SLC5A8: variants seen among roughly 807,000 people sequenced by gnomAD.
SLC5A8 encodes the protein solute carrier family 5 member 8.
Under a neutral mutation model 71.9 loss-of-function variants are expected in SLC5A8, and 55 were observed. The observed-to-expected ratio is 0.77, with a 90% CI of 0.62 to 0.96. SLC5A8 has a LOEUF of 0.96. SLC5A8 is among the 40% of genes least tolerant of loss of function. SLC5A8 has a pLI of 0.00. For synonymous variants in SLC5A8, 307 were observed against 276.1 expected, an observed-to-expected ratio of 1.11 and a Z score of -1.11; for missense variants, 701 against 745.3, an observed-to-expected ratio of 0.94 and a Z score of 0.69.
At chr12:101,191,468 A>G (rs1094743) in intron 5 of SLC5A8, among the ~76,000 whole-genome samples, 40,007 of 152,070 alleles carry the variant, frequency 0.26, 5,747 homozygotes, top group East Asian at 0.53. Context: ...TGGCATTCTT[A>G]TGGAAATGTG....
chr12:101,204,211 G>T (rs1221832000), intron 2 of SLC5A8, among the ~76,000 whole-genome samples: 1 of 152,200 alleles, frequency 6.6e-6, no homozygotes, highest in Non-Finnish European at 1.5e-5. Context: ...CACCTTGGTG[G>T]AGGTGAAGGG....
intron 2 of SLC5A8, 95 bp from the exon 3 acceptor site, chr12:101,202,310 T>A: frequency 8.7e-7 from 1 of 1,145,248 alleles, no homozygotes; most frequent in South Asian, 1.9e-5. Context: ...TCCTATAACT[T>A]CAATTATGAC....
At chr12:101,197,866 C>G (rs1157167507) in intron 3 of SLC5A8, among the ~76,000 whole-genome samples, 1 of 151,916 alleles carries the variant, frequency 6.6e-6, no homozygotes, top group Non-Finnish European at 1.5e-5. Flanking sequence ...ACATTACATC[C>G]AAAAAGCACA....
At chr12:101,203,954 G>T (rs1259331366) in intron 2 of SLC5A8, among the ~76,000 whole-genome samples, 11 of 149,666 alleles carry the variant, frequency 7.3e-5, no homozygotes, top group African/African-American at 2.7e-4. Context: ...CCAGAGTTTT[G>T]ATTCTGTTGT....
intron 1 of SLC5A8, 58 bp downstream of exon 1, chr12:101,209,440 G>A (rs1869819911): frequency 7.3e-7 from 1 of 1,374,388 alleles, no homozygotes; most frequent in East Asian, 2.5e-5. Flanking sequence ...GCCTCCAGAG[G>A]TCTGCAGAGT....
chr12:101,174,226 C>T (rs1465949448), intron 10 of SLC5A8, among the ~76,000 whole-genome samples: 2 of 152,180 alleles, frequency 1.3e-5, no homozygotes, highest in African/African-American at 4.8e-5. Context: ...CAGTTGTGTT[C>T]AGAGGTTGTA....
rs547589726 is a variant in SLC5A8, at chr12:101,202,849, A to G, written c.418-634T>C. Among the ~76,000 whole-genome samples the G allele has an allele frequency of 2.6e-5, 4 of 152,296 alleles. No homozygotes were observed. The South Asian group carries it at 8.3e-4, about 32-fold the overall frequency. On this transcript the variant is annotated intron_variant, in intron 2 of 14. Transcript: ENST00000536262. ...GTCTTTTTCTCAAAATGTAATTTTG[A>G]TTGCACTTGATCTTTCAAATATATC...
chr12:101,209,545 C>T lies in SLC5A8; in HGVS notation c.304G>A (p.Val102Ile). The T allele has an allele frequency of 5.0e-6, 8 of 1,612,678 alleles. No individual in the cohort carries two copies. Among genetic ancestry groups the T allele is most frequent in the South Asian group, 1.1e-5 (1 of 91,012 alleles). ...AGTTTGTAGAACACCGGGAGGAAGA[C>T]CTCCGCGCTGATGACCACCACAAAG... ...YFFVVVISAE[V>I]FLPVFYKLGI... Residue 102 changes from valine (V) to isoleucine (I), a missense_variant, in exon 1 of 15, where the codon GTC (valine) becomes ATC (isoleucine). Coordinates refer to ENST00000536262, the MANE Select transcript of SLC5A8 (RefSeq NM_145913.5).
chr12:101,171,526 C>T (rs765424485), intron 10 of SLC5A8, among the ~76,000 whole-genome samples: 17 of 152,134 alleles, frequency 1.1e-4, no homozygotes, highest in South Asian at 2.1e-4. Flanking sequence ...GAGTTGGTGG[C>T]GCCCTTGGAA....
intron 1 of SLC5A8, among the ~76,000 whole-genome samples, chr12:101,208,865 T>G (rs1382404316): frequency 6.6e-6 from 1 of 152,064 alleles, no homozygotes; most frequent in Non-Finnish European, 1.5e-5. Context: ...CTGGATGAGG[T>G]AGGTGATATT....
intron 10 of SLC5A8, among the ~76,000 whole-genome samples, chr12:101,176,738 A>C (rs1709186): frequency 0.26 from 39,789 of 152,002 alleles, 5,659 homozygotes; most frequent in East Asian, 0.53. Flanking sequence ...ATTCAGCTGA[A>C]TGTAAACAAA....
At chr12:101,204,930 T>A (rs573609472) in intron 1 of SLC5A8, among the ~76,000 whole-genome samples, 3 of 152,168 alleles carry the variant, frequency 2.0e-5, no homozygotes, top group Non-Finnish European at 4.4e-5. Flanking sequence ...TTCCAGAATG[T>A]CATATAAATG....
chr12:101,174,396 T>C (rs574980937), intron 10 of SLC5A8, among the ~76,000 whole-genome samples: 2 of 152,304 alleles, frequency 1.3e-5, no homozygotes, highest in Non-Finnish European at 1.5e-5. Flanking sequence ...ATGGGCCAGA[T>C]ACAGTCAGGG....
In SLC5A8 at chr12:101,209,953, G is replaced by A; in HGVS notation, c.-105C>T. ...CCCGGATCCCTGGCGCGCAGGCGTG[G>A]CGTCCCGCGGGGACTGGAGGCGTCC... is the stretch of plus-strand genomic sequence containing the variant. On this transcript the variant is annotated 5_prime_UTR_variant, in exon 1 of 15. Coordinates refer to ENST00000536262, the MANE Select transcript of SLC5A8 (RefSeq NM_145913.5). 1 of 1,102,510 alleles carries A rather than the reference G, an allele frequency of 9.1e-7. No homozygotes were observed. Among genetic ancestry groups the A allele is most frequent in the Non-Finnish European group, 1.2e-6 (1 of 811,380 alleles). 68.3% of individuals were successfully genotyped at this position (1,102,510 alleles called of 1,614,324 possible).
At chr12:101,166,391 T>G (rs1294307805) in intron 12 of SLC5A8, 103 bp downstream of exon 12, 1 of 938,782 alleles carries the variant, frequency 1.1e-6, no homozygotes, top group African/African-American at 1.7e-5. Flanking sequence ...ATTTCAGAAT[T>G]AGGCAAAATC....
intron 5 of SLC5A8, among the ~76,000 whole-genome samples, chr12:101,191,504 T>C (rs994966015): frequency 1.8e-4 from 28 of 152,176 alleles, no homozygotes; most frequent in African/African-American, 6.5e-4. Context: ...TGTCTAACAT[T>C]TCATATCAAA....
chr12:101,174,637 T>C (rs1231572987), intron 10 of SLC5A8, among the ~76,000 whole-genome samples: 1 of 152,224 alleles, frequency 6.6e-6, no homozygotes, highest in Non-Finnish European at 1.5e-5. Flanking sequence ...GCCAGGGTTG[T>C]AAATTCCTAC....
At position 101,156,611 on chromosome 12, in the gene SLC5A8, C is replaced by T. The variant is rs1026612999; in HGVS notation, c.*668G>A. 3 of 152,278 alleles carry T rather than the reference C, an allele frequency of 2.0e-5. No individual in the cohort carries two copies. Among genetic ancestry groups the T allele is most frequent in the East Asian group, 1.9e-4 (1 of 5,170 alleles). The allele number at this position is 152,278 out of a possible 1,614,324, so 9.4% of individuals were successfully genotyped here. A position where few individuals can be genotyped will look rare whatever the true frequency, so the allele number is the denominator to read the frequency against. On this transcript the variant is annotated 3_prime_UTR_variant, in exon 15 of 15. Coordinates refer to ENST00000536262, the MANE Select transcript of SLC5A8 (RefSeq NM_145913.5). Reference sequence around the variant, plus strand: ...AGAAAGGCAGTATCAGCAGCCAAAGCCCAGAAACTCTAGAAAACAAGCCAA... The same window carrying T: ...AGAAAGGCAGTATCAGCAGCCAAAGTCCAGAAACTCTAGAAAACAAGCCAA...
At chr12:101,197,906 A>T (rs1869259020) in intron 3 of SLC5A8, among the ~76,000 whole-genome samples, 1 of 152,076 alleles carries the variant, frequency 6.6e-6, no homozygotes, top group African/African-American at 2.4e-5. Context: ...GAGCATATGG[A>T]ATGTTCAAGA....
Sources: allele counts gnomAD v4.1 joint callset (sites outside exome capture counted in the v4.1 genomes callset), GRCh38; gene constraint gnomAD v4.1.1; transcripts MANE v1.5; gene names NCBI Gene and HGNC (gene_info 2026-07-23, HGNC 2026-07-21).